Variants in GSE1 observed in about 807,000 individuals in gnomAD.
GSE1 encodes the protein Gse1 coiled-coil protein.
A neutral mutation model predicts 112.6 loss-of-function variants in GSE1; 32 were observed. That is an observed-to-expected ratio of 0.28 (90% CI 0.21 to 0.38). GSE1 has a LOEUF of 0.38. Ranked by LOEUF, GSE1 falls within the 10% of genes least tolerant of loss-of-function variation. The probability of loss-of-function intolerance (pLI) is 1.00; values close to 1 mark genes in which losing one functional copy is unlikely to be tolerated. For synonymous variants in GSE1, 1,115 were observed against 735.6 expected, an observed-to-expected ratio of 1.52 and a Z score of -8.35; for missense variants, 2,348 against 1,699.2, an observed-to-expected ratio of 1.38 and a Z score of -6.71.
chr16:85,198,620 T>C (rs1353987213), intron 1 of GSE1, among the ~76,000 whole-genome samples: 7 of 151,372 alleles, frequency 4.6e-5, no homozygotes, highest in African/African-American at 1.7e-4. Flanking sequence ...CCCTGGACAG[T>C]GCCCACTCAG....
intron 1 of GSE1, among the ~76,000 whole-genome samples, chr16:85,220,033 C>T (rs2075365248): frequency 3.9e-5 from 6 of 152,230 alleles, no homozygotes; most frequent in Admixed American, 2.6e-4. Context: ...TGAGCCACAG[C>T]TGCCCAGACT....
chr16:85,660,269 G>C (rs374487529), intron 8 of GSE1, among the ~76,000 whole-genome samples: 3 of 152,230 alleles, frequency 2.0e-5, no homozygotes, highest in Admixed American at 6.5e-5. Context: ...AGGCCTGAGA[G>C]GGTCTCTGCC....
intron 1 of GSE1, among the ~76,000 whole-genome samples, chr16:85,255,850 G>A (rs886999134): frequency 1.3e-5 from 2 of 152,044 alleles, no homozygotes; most frequent in Non-Finnish European, 2.9e-5. Context: ...GACCATGCCT[G>A]GCTCATTTTT....
chr16:85,663,980 C>G (rs1033022597), intron 11 of GSE1, among the ~76,000 whole-genome samples: 2 of 152,244 alleles, frequency 1.3e-5, no homozygotes, highest in Non-Finnish European at 2.9e-5. Flanking sequence ...CTTGCTGGAC[C>G]GCTTAGGTGG....
At chr16:85,470,541 C>G (rs1204385164) in intron 2 of GSE1, among the ~76,000 whole-genome samples, 3 of 152,330 alleles carry the variant, frequency 2.0e-5, no homozygotes, top group Non-Finnish European at 4.4e-5. Context: ...GGGTGCTAAA[C>G]TCATCTCCCT....
intron 1 of GSE1, among the ~76,000 whole-genome samples, chr16:85,280,035 T>C (rs1184909548): frequency 6.6e-6 from 1 of 152,176 alleles, no homozygotes; most frequent in East Asian, 1.9e-4. Context: ...AAGTTCTCCT[T>C]TCACCCAAAG....
At chr16:85,456,579 CGTGT>C (rs35279881) in intron 2 of GSE1, among the ~76,000 whole-genome samples, 7,606 of 91,298 alleles carry the variant, frequency 0.083, 375 homozygotes, top group Admixed American at 0.1. Context: ...ATTTTCCTGC[CGTGT>C]GTGTGTGTGT....
At chr16:85,408,211 C>T (rs2048366041) in intron 2 of GSE1, among the ~76,000 whole-genome samples, 1 of 16,986 alleles carries the variant, frequency 5.9e-5, no homozygotes, top group Admixed American at 4.6e-4. Context: ...ATAATACTCA[C>T]TGTTACTCTC....
At chr16:85,523,200 G>A (rs559090626) in intron 2 of GSE1, among the ~76,000 whole-genome samples, 2 of 151,478 alleles carry the variant, frequency 1.3e-5, no homozygotes, top group East Asian at 1.9e-4. Flanking sequence ...CTGTGTGTGT[G>A]CACGTGTGCC....
chr16:85,529,280 G>A (rs1347046523), intron 2 of GSE1, among the ~76,000 whole-genome samples: 2 of 152,196 alleles, frequency 1.3e-5, no homozygotes, highest in Non-Finnish European at 2.9e-5. Flanking sequence ...GTGGCTCCGT[G>A]GCAAGCGAGC....
intron 1 of GSE1, among the ~76,000 whole-genome samples, chr16:85,180,149 G>C (rs113740086): frequency 0.015 from 2,257 of 152,342 alleles, 52 homozygotes; most frequent in African/African-American, 0.052. Context: ...TGCCTGGCCT[G>C]TCTGGCGTGG....
chr16:85,464,333 G>T (rs569522753), intron 2 of GSE1, among the ~76,000 whole-genome samples: 1 of 152,162 alleles, frequency 6.6e-6, no homozygotes, highest in African/African-American at 2.4e-5. Context: ...GCGCTCTCCT[G>T]GGGGGCCGGG....
intron 1 of GSE1, among the ~76,000 whole-genome samples, chr16:85,202,986 C>T (rs1377371741): frequency 1.4e-5 from 2 of 142,070 alleles, no homozygotes; most frequent in Admixed American, 1.4e-4. Flanking sequence ...CCCACCTCTA[C>T]CCCCCTTCTC....
chr16:85,501,888 C>T (rs1034035425), intron 2 of GSE1, among the ~76,000 whole-genome samples: 16 of 152,234 alleles, frequency 1.1e-4, no homozygotes, highest in Admixed American at 2.6e-4. Flanking sequence ...CTCCTTCACA[C>T]GAGTAATTTT....
rs2048405278 is a variant in GSE1 at position 85,408,980 on chromosome 16, C to CA, written c.2464+51337_2464+51338insA. ...AATCCTCACTGTTACACTCAGGGCCCCCTGGATAATCCTCACTGTTACACT... is the reference window on the plus strand; with the variant it reads ...AATCCTCACTGTTACACTCAGGGCCCACCTGGATAATCCTCACTGTTACACT... On this transcript the variant is annotated intron_variant, in intron 2 of 2. Coordinates refer to the GSE1 transcript ENST00000637419. 2.1e-4 allele frequency among the ~76,000 whole-genome samples: 2 copies of CA among 9,728 alleles called. 1 individual carries two copies. The highest frequency in any genetic ancestry group is 4.6e-4 in the African/African-American group (2 of 4,386). The allele number at this position is 9,728 out of a possible 152,430, so 6.4% of individuals were successfully genotyped here. A position where few individuals can be genotyped will look rare whatever the true frequency, so the allele number is the denominator to read the frequency against.
At chr16:85,384,604 C>A (rs8182101) in intron 2 of GSE1, among the ~76,000 whole-genome samples, 127,136 of 152,166 alleles carry the variant, frequency 0.84, 57,948 homozygotes, top group East Asian at 1. Flanking sequence ...TTCCCTTCTC[C>A]TGCAAGCTGG....
chr16:85,389,799 G>A (rs927602869), intron 2 of GSE1, among the ~76,000 whole-genome samples: 2 of 152,212 alleles, frequency 1.3e-5, no homozygotes, highest in East Asian at 3.9e-4. Context: ...CTGCAAGGCA[G>A]GTGCTAGTAT....
At chr16:85,431,067 A>T (rs1411835088) in intron 2 of GSE1, among the ~76,000 whole-genome samples, 1 of 103,320 alleles carries the variant, frequency 9.7e-6, no homozygotes, top group Non-Finnish European at 2.6e-5. Flanking sequence ...GTTGAAAGCC[A>T]CTGCCTCGGG....
chr16:85,307,655 G>C (rs1025076768), intron 1 of GSE1, among the ~76,000 whole-genome samples: 1 of 152,178 alleles, frequency 6.6e-6, no homozygotes, highest in African/African-American at 2.4e-5. Context: ...TCGGTGTCCA[G>C]AGTCTTTGCT....
Sources: allele counts gnomAD v4.1 joint callset (sites outside exome capture counted in the v4.1 genomes callset), GRCh38; gene constraint gnomAD v4.1.1; transcripts MANE v1.5; gene names NCBI Gene and HGNC (gene_info 2026-07-23, HGNC 2026-07-21).